Variants in APCDD1 observed in about 807,000 individuals in gnomAD.
The protein encoded by APCDD1 is protein APCDD1.
APCDD1 carries 15 observed loss-of-function variants against 38.1 expected under a neutral mutation model. The ratio of observed to expected loss-of-function variants is 0.39; its 90% CI spans 0.26 to 0.61. The LOEUF is 0.61. APCDD1 is among the 20% of genes least tolerant of loss of function. The pLI, the probability that APCDD1 is intolerant of heterozygous loss-of-function variation, is 0.49. For synonymous variants in APCDD1, 261 were observed against 279.7 expected (o/e 0.93, Z 0.67); for missense variants, 647 against 696.2 (o/e 0.93, Z 0.79).
chr18:10,475,540 C>T lies in APCDD1; in HGVS notation c.774+3479C>T, dbSNP rs1041762561. 6.6e-6 allele frequency among the ~76,000 whole-genome samples: 1 copy of T among 152,098 alleles called. No individual in the cohort carries two copies. Among genetic ancestry groups the T allele is most frequent in the Admixed American group, 6.5e-5 (1 of 15,268 alleles). On this transcript the variant is annotated intron_variant, in intron 3 of 4. Coordinates refer to ENST00000355285, the MANE Select transcript of APCDD1 (RefSeq NM_153000.5). This position sits in a 1 kb window ranked among gnomAD's most constrained non-coding sequence, Gnocchi z 4.0. ...TTATGGAGGAAATTAATGACTGCCTCAGAGGAAGTGACAGAGTTGTCTATC... is the reference window on the plus strand; with the variant it reads ...TTATGGAGGAAATTAATGACTGCCTTAGAGGAAGTGACAGAGTTGTCTATC...
chr18:10,458,166 T>A (rs1371012887), intron 1 of APCDD1, among the ~76,000 whole-genome samples: 3 of 152,200 alleles, frequency 2.0e-5, no homozygotes, highest in Non-Finnish European at 4.4e-5. Context: ...AGTGCCTGAT[T>A]CTCTTTGCTA....
chr18:10,478,545 C>A (rs1444429403), intron 3 of APCDD1, among the ~76,000 whole-genome samples: 1 of 152,178 alleles, frequency 6.6e-6, no homozygotes, highest in Non-Finnish European at 1.5e-5. Context: ...AGACTGCTGA[C>A]CTCCCTCTGT....
At position 10,469,416 on chromosome 18, in the gene APCDD1, G is replaced by T. The variant is rs1021964395; in HGVS notation, c.242+764G>T. The stretch of plus-strand genomic sequence containing the variant: ...CAGAATTTTATTTCATAAAAATGAG[G>T]TCTCTCCAAATAACCACGATAAACA... On this transcript the variant is annotated intron_variant, in intron 2 of 4. Coordinates refer to ENST00000355285, the MANE Select transcript of APCDD1 (RefSeq NM_153000.5). This position sits in a 1 kb window ranked among gnomAD's most constrained non-coding sequence, Gnocchi z 5.5. Among the ~76,000 whole-genome samples, 2 of 152,088 alleles carry T rather than the reference G, an allele frequency of 1.3e-5. No homozygotes were observed. The highest frequency in any genetic ancestry group is 4.8e-5 in the African/African-American group (2 of 41,404).
chr18:10,481,678 G>C (rs1317918742), intron 3 of APCDD1, among the ~76,000 whole-genome samples: 2 of 117,354 alleles, frequency 1.7e-5, no homozygotes, highest in East Asian at 6.2e-4. Flanking sequence ...TTTAAACACA[G>C]TAATAAAAAA....
chr18:10,469,528 C>G lies in APCDD1; in HGVS notation c.242+876C>G, dbSNP rs2030801864. Among the ~76,000 whole-genome samples, 1 of 152,030 alleles carries G rather than the reference C, an allele frequency of 6.6e-6. No homozygotes were observed. Among genetic ancestry groups the G allele is most frequent in the Admixed American group, 6.6e-5 (1 of 15,260 alleles). On this transcript the variant is annotated intron_variant, in intron 2 of 4. Coordinates refer to ENST00000355285, the MANE Select transcript of APCDD1 (RefSeq NM_153000.5). The surrounding 1 kb of genome is among the most constrained non-coding windows in gnomAD (Gnocchi z 5.5). ...TATTTATTGAGTGCCTACCATATGC[C>G]AAACACTATTTTAAGTTTTGTTTAT...
chr18:10,482,236 A>G (rs2031158146), intron 3 of APCDD1, among the ~76,000 whole-genome samples: 1 of 152,030 alleles, frequency 6.6e-6, no homozygotes, highest in Non-Finnish European at 1.5e-5. Context: ...TGAGACTCTC[A>G]CCTCCTTAGA....
chr18:10,475,927 A>G lies in APCDD1; in HGVS notation c.774+3866A>G, dbSNP rs2030987986. The stretch of plus-strand genomic sequence containing the variant: ...TCAGGAAGTTTTCAGATCCTTCCCC[A>G]GGACAGCTCTGAGAAGGAACAAAAT... On this transcript the variant is annotated intron_variant, in intron 3 of 4. Coordinates refer to ENST00000355285, the MANE Select transcript of APCDD1 (RefSeq NM_153000.5). The surrounding 1 kb of genome is among the most constrained non-coding windows in gnomAD (Gnocchi z 4.0). 1 of 152,280 alleles carries G rather than the reference A, an allele frequency of 6.6e-6. No homozygotes were observed. The highest frequency in any genetic ancestry group is 1.5e-5 in the Non-Finnish European group (1 of 68,146). 9.4% of individuals were successfully genotyped at this position (152,280 alleles called of 1,614,324 possible).
Position 10,454,836 on chromosome 18 carries a change from G to T in APCDD1, c.-146G>T. 2 of 1,012,132 alleles carry T rather than the reference G, an allele frequency of 2.0e-6. No individual in the cohort carries two copies. The highest frequency in any genetic ancestry group is 2.4e-6 in the Non-Finnish European group (2 of 848,536). The allele number at this position is 1,012,132 out of a possible 1,614,324, so 62.7% of individuals were successfully genotyped here. ...CGCCCCGCAGCCCCGCGCCTAGCCCGCCGGGCATGGGGCGCGCGGCAGCCG... is the reference window on the plus strand; with the variant it reads ...CGCCCCGCAGCCCCGCGCCTAGCCCTCCGGGCATGGGGCGCGCGGCAGCCG... On this transcript the variant is annotated 5_prime_UTR_variant, in exon 1 of 5. Transcript: ENST00000355285.
intron 1 of APCDD1, among the ~76,000 whole-genome samples, chr18:10,463,596 A>G (rs1018273226): frequency 5.9e-5 from 9 of 152,124 alleles, no homozygotes; most frequent in African/African-American, 2.2e-4. Flanking sequence ...TGACTTTTTA[A>G]TTCCCAGCCA....
rs2031318746 is a variant in APCDD1, at chr18:10,489,246, A to G, written c.*1208A>G. On this transcript the variant is annotated 3_prime_UTR_variant, in exon 5 of 5. Coordinates refer to ENST00000355285, the MANE Select transcript of APCDD1 (RefSeq NM_153000.5). ...GGACATTAGAAGGGCGCAGGAGTGC[A>G]TGTCTGCCCATTCCTTTGGAGTATC... 1 of 152,210 alleles carries G rather than the reference A, an allele frequency of 6.6e-6. No homozygotes were observed. Among genetic ancestry groups the G allele is most frequent in the Non-Finnish European group, 1.5e-5 (1 of 68,088 alleles). The allele number at this position is 152,210 out of a possible 1,614,324, so 9.4% of individuals were successfully genotyped here.
intron 1 of APCDD1, among the ~76,000 whole-genome samples, chr18:10,457,086 A>G (rs12969084): frequency 0.29 from 43,980 of 152,186 alleles, 7,304 homozygotes; most frequent in African/African-American, 0.46. Context: ...AGAATCTGCA[A>G]TGGCACAATT....
intron 3 of APCDD1, among the ~76,000 whole-genome samples, chr18:10,473,085 CTTTTGT>C (rs979975818): frequency 6.6e-6 from 1 of 152,222 alleles, no homozygotes; most frequent in African/African-American, 2.4e-5. Flanking sequence ...CCCTGCTTAA[CTTTTGT>C]TTGGTGGTTT....
intron 1 of APCDD1, among the ~76,000 whole-genome samples, chr18:10,465,627 T>C (rs2030689401): frequency 6.6e-6 from 1 of 152,226 alleles, no homozygotes; most frequent in South Asian, 2.1e-4. Flanking sequence ...GTTTTGTTAT[T>C]GAGACACGTG....
rs1416102718 is a variant in APCDD1 at position 10,472,106 on chromosome 18, T to G, written c.774+45T>G. Reference sequence around the variant, plus strand: ...TCTCCTCTTTATTGAGTAAAGTGGGTGATCCTTCTTAAAGGCTTGCCATGG... The same window carrying G: ...TCTCCTCTTTATTGAGTAAAGTGGGGGATCCTTCTTAAAGGCTTGCCATGG... On this transcript the variant is annotated intron_variant, in intron 3 of 4. Coordinates refer to ENST00000355285, the MANE Select transcript of APCDD1 (RefSeq NM_153000.5). This position sits in a 1 kb window ranked among gnomAD's most constrained non-coding sequence, Gnocchi z 6.6. The G allele has an allele frequency of 6.2e-7, 1 of 1,609,842 alleles. No homozygotes were observed. The highest frequency in any genetic ancestry group is 1.7e-5 in the Admixed American group (1 of 60,008).
intron 1 of APCDD1, among the ~76,000 whole-genome samples, chr18:10,460,546 C>A (rs28686846): frequency 0.26 from 37,096 of 144,524 alleles, 5,019 homozygotes; most frequent in Non-Finnish European, 0.29. Context: ...AAAAAAAAAA[C>A]AAAAAACAAA....
rs954231203 is a variant in APCDD1 at position 10,470,193 on chromosome 18, G to A, written c.243-1337G>A. 6.6e-6 allele frequency among the ~76,000 whole-genome samples: 1 copy of A among 152,182 alleles called. No individual in the cohort carries two copies. The highest frequency in any genetic ancestry group is 1.5e-5 in the Non-Finnish European group (1 of 68,032). ...TGAGTGGGCCTGAGATCCACTGTAC[G>A]TGGCAGGCAGAATCAACAGACTGTT... On this transcript the variant is annotated intron_variant, in intron 2 of 4. Transcript: ENST00000355285. This position sits in a 1 kb window ranked among gnomAD's most constrained non-coding sequence, Gnocchi z 4.1.
Position 10,472,064 on chromosome 18 carries a change from A to G in APCDD1, c.774+3A>G, listed in dbSNP as rs1234719261. Reference sequence around the variant, plus strand: ...AGCCCCCTCTGCAGAATGCCAAGGTACCTCAGAGCTCTGTGTTCTCCTCTT... The same window carrying G: ...AGCCCCCTCTGCAGAATGCCAAGGTGCCTCAGAGCTCTGTGTTCTCCTCTT... On this transcript the variant is annotated splice_donor_region_variant and intron_variant, in intron 3 of 4. Transcript: ENST00000355285. This position sits in a 1 kb window ranked among gnomAD's most constrained non-coding sequence, Gnocchi z 6.6. 3 of 1,613,096 alleles carry G rather than the reference A, an allele frequency of 1.9e-6. No homozygotes were observed. Among genetic ancestry groups the G allele is most frequent in the Non-Finnish European group, 2.5e-6 (3 of 1,180,020 alleles).
chr18:10,465,620 T>C, intron 1 of APCDD1, among the ~76,000 whole-genome samples: 1 of 152,212 alleles, frequency 6.6e-6, no homozygotes, highest in East Asian at 1.9e-4. Flanking sequence ...TGTTTTTGTT[T>C]TGTTATTGAG....
chr18:10,473,912 C>T (rs2030925465), intron 3 of APCDD1, among the ~76,000 whole-genome samples: 2 of 148,974 alleles, frequency 1.3e-5, no homozygotes, highest in Non-Finnish European at 3.0e-5. Context: ...TATAGTCTAG[C>T]CACCTTTCTG....
Sources: allele counts gnomAD v4.1 joint callset (sites outside exome capture counted in the v4.1 genomes callset), GRCh38; gene constraint gnomAD v4.1.1; non-coding constraint Gnocchi (gnomAD v3.1); transcripts MANE v1.5; gene names NCBI Gene and HGNC (gene_info 2026-07-23, HGNC 2026-07-21).